Variants in GMDS observed in about 807,000 individuals in gnomAD.
GMDS encodes GDP-mannose 4,6 dehydratase.
Under a neutral mutation model 49.9 loss-of-function variants are expected in GMDS, and 20 were observed. The observed-to-expected ratio is 0.40, with a 90% CI of 0.28 to 0.58. The LOEUF (loss-of-function observed/expected upper bound fraction) is 0.58, where lower values mean the gene tolerates loss of function less well. Ranked by LOEUF, GMDS falls within the 20% of genes least tolerant of loss-of-function variation. The pLI, the probability that GMDS is intolerant of heterozygous loss-of-function variation, is 0.42. For missense variants in GMDS, 362 were observed against 481.4 expected (o/e 0.75, Z 2.32); for synonymous variants, 177 against 178.6 (o/e 0.99, Z 0.07).
chr6:1,653,032 C>T (rs1169671187), intron 9 of GMDS, among the ~76,000 whole-genome samples: 2 of 151,644 alleles, frequency 1.3e-5, no homozygotes, highest in African/African-American at 2.4e-5. Context: ...ACCTGGCCCG[C>T]GTGGCTCCTG....
intron 4 of GMDS, among the ~76,000 whole-genome samples, chr6:2,049,045 C>G (rs1157247797): frequency 6.6e-6 from 1 of 152,154 alleles, no homozygotes; most frequent in Non-Finnish European, 1.5e-5. Context: ...CTCCCTGCCA[C>G]ATGGGGACAC....
At chr6:1,664,680 C>A (rs537573218) in intron 9 of GMDS, among the ~76,000 whole-genome samples, 37 of 152,282 alleles carry the variant, frequency 2.4e-4, no homozygotes, top group African/African-American at 8.9e-4. Flanking sequence ...GTAAACTATT[C>A]CCTGATCAGC....
chr6:2,222,010 A>G (rs1317386629), intron 1 of GMDS, among the ~76,000 whole-genome samples: 1 of 152,192 alleles, frequency 6.6e-6, no homozygotes, highest in African/African-American at 2.4e-5. Context: ...CAAAAATTAA[A>G]CAGTAATTCT....
At chr6:1,798,343 T>G (rs1188618436) in intron 7 of GMDS, among the ~76,000 whole-genome samples, 2 of 152,060 alleles carry the variant, frequency 1.3e-5, no homozygotes, top group African/African-American at 2.4e-5. Flanking sequence ...AACTCCACAC[T>G]GTGGTATGAT....
At chr6:2,146,184 A>G (rs191544800) in intron 1 of GMDS, among the ~76,000 whole-genome samples, 17 of 152,372 alleles carry the variant, frequency 1.1e-4, no homozygotes, top group Admixed American at 3.9e-4. Flanking sequence ...TTAGGAAGAC[A>G]TGTTCTTGTG....
chr6:1,757,644 C>T (rs184094755), intron 7 of GMDS, among the ~76,000 whole-genome samples: 1 of 152,196 alleles, frequency 6.6e-6, no homozygotes, highest in South Asian at 2.1e-4. Flanking sequence ...GGGAATTTAA[C>T]CTCTGAACTG....
chr6:2,209,076 G>A (rs1030998329), intron 1 of GMDS, among the ~76,000 whole-genome samples: 1 of 151,956 alleles, frequency 6.6e-6, no homozygotes, highest in Non-Finnish European at 1.5e-5. Context: ...TGTTCAGCAG[G>A]GCATTGCAAA....
chr6:1,746,545 C>A (rs1289537304), intron 7 of GMDS, among the ~76,000 whole-genome samples: 2 of 152,172 alleles, frequency 1.3e-5, no homozygotes, highest in African/African-American at 2.4e-5. Flanking sequence ...CAAGGGAAAT[C>A]TGACTCCAGA....
rs79905424 is a variant in GMDS at position 1,824,166 on chromosome 6, G to C, written c.772-81580C>G. Among the ~76,000 whole-genome samples, 229 of 152,088 alleles carry C rather than the reference G, an allele frequency of 1.5e-3. 2 individuals are homozygous for C. Among genetic ancestry groups the C allele is most frequent in the Non-Finnish European group, 2.9e-3 (196 of 67,996 alleles). On this transcript the variant is annotated intron_variant, in intron 7 of 10. Transcript: ENST00000380815. ...TTCCACCACCATCCCTTTAGCCCGG[G>C]ACCCTTGAAGTATACTATGTGATTG...
In GMDS at chr6:2,206,672, CTCAT is replaced by C. The variant is rs564747483; in HGVS notation, c.102+38645_102+38648del. 9.3e-4 allele frequency among the ~76,000 whole-genome samples: 142 copies of C among 152,334 alleles called. 1 individual carries two copies. The highest frequency in any genetic ancestry group is 3.3e-3 in the African/African-American group (139 of 41,572). ...TAAACTTTAGGCTGCATCCAAGTCA[CTCAT>C]TCAGACTGCTGGGCCCCACCCCTCA... On this transcript the variant is annotated intron_variant, in intron 1 of 10. Transcript: ENST00000380815.
intron 4 of GMDS, among the ~76,000 whole-genome samples, chr6:2,100,592 T>C (rs1184147917): frequency 6.6e-6 from 1 of 151,998 alleles, no homozygotes; most frequent in African/African-American, 2.4e-5. Flanking sequence ...GCAACAAACA[T>C]ATGCCTTTAA....
chr6:1,742,647 C>T (rs1438722043), intron 7 of GMDS, 61 bp from the exon 8 acceptor site: 2 of 857,722 alleles, frequency 2.3e-6, no homozygotes, highest in Non-Finnish European at 4.0e-6. Flanking sequence ...ACATTGTTTT[C>T]CAGTGCACAT....
chr6:1,943,651 C>A (rs1357818197), intron 6 of GMDS, among the ~76,000 whole-genome samples: 2 of 152,164 alleles, frequency 1.3e-5, no homozygotes, highest in Non-Finnish European at 1.5e-5. Context: ...TCCACTGATA[C>A]ATTTATTTTT....
chr6:1,656,125 T>G (rs575035679), intron 9 of GMDS, among the ~76,000 whole-genome samples: 3 of 152,222 alleles, frequency 2.0e-5, no homozygotes, highest in Non-Finnish European at 4.4e-5. Flanking sequence ...AGCCTGAATT[T>G]TATTTATACA....
intron 9 of GMDS, among the ~76,000 whole-genome samples, chr6:1,676,328 A>T (rs1452738786): frequency 1.6e-4 from 24 of 152,382 alleles, no homozygotes; most frequent in East Asian, 9.6e-4. Context: ...GGATAGGAAG[A>T]ATCAATATCG....
chr6:1,700,115 C>T lies in GMDS; in HGVS notation c.987+26301G>A, dbSNP rs911938990. 7.2e-5 allele frequency among the ~76,000 whole-genome samples: 11 copies of T among 152,342 alleles called. 1 individual carries two copies. The highest frequency in any genetic ancestry group is 4.1e-4 in the South Asian group (2 of 4,826). The stretch of plus-strand genomic sequence containing the variant: ...GTATGAGCTCCCACAAAAGTTGGAT[C>T]TGTCCCTGCATACTAATTTTGTCCA... On this transcript the variant is annotated intron_variant, in intron 9 of 10. Coordinates refer to ENST00000380815, the MANE Select transcript of GMDS (RefSeq NM_001500.4).
intron 9 of GMDS, among the ~76,000 whole-genome samples, chr6:1,666,963 C>T (rs115002630): frequency 0.022 from 3,288 of 152,236 alleles, 43 homozygotes; most frequent in Non-Finnish European, 0.031. Context: ...TTCTGCTGAG[C>T]GCTAGGACCT....
intron 1 of GMDS, among the ~76,000 whole-genome samples, chr6:2,156,662 T>C (rs1581724538): frequency 6.6e-6 from 1 of 152,188 alleles, no homozygotes; most frequent in Non-Finnish European, 1.5e-5. Context: ...CTTTCTTTTT[T>C]TCCTAAAGTA....
chr6:1,654,106 A>G (rs971979097), intron 9 of GMDS, among the ~76,000 whole-genome samples: 2 of 152,214 alleles, frequency 1.3e-5, no homozygotes, highest in Non-Finnish European at 2.9e-5. Context: ...CCAGAAAATA[A>G]TAAGTATTGG....
Sources: allele counts gnomAD v4.1 joint callset (sites outside exome capture counted in the v4.1 genomes callset), GRCh38; gene constraint gnomAD v4.1.1; transcripts MANE v1.5; gene names NCBI Gene and HGNC (gene_info 2026-07-23, HGNC 2026-07-21).